PTPRM: variants seen among roughly 807,000 people sequenced by gnomAD.
The protein encoded by PTPRM is protein tyrosine phosphatase receptor type M.
Under a neutral mutation model 186.7 loss-of-function variants are expected in PTPRM, and 47 were observed. The ratio of observed to expected loss-of-function variants is 0.25; its 90% confidence interval spans 0.20 to 0.32. PTPRM has a LOEUF of 0.32. Ranked by LOEUF, PTPRM falls within the 10% of genes least tolerant of loss-of-function variation. The pLI is 1.00. For missense variants in PTPRM, 1,494 were observed against 1,865.0 expected (o/e 0.80, Z 3.66); for synonymous variants, 668 against 674.9 (o/e 0.99, Z 0.16).
chr18:8,085,659 A>G lies in PTPRM; in HGVS notation c.1552-12A>G, dbSNP rs2090394843. 1 of 1,575,748 alleles carries G rather than the reference A, an allele frequency of 6.3e-7. No homozygotes were observed. Among genetic ancestry groups the G allele is most frequent in the African/African-American group, 1.4e-5 (1 of 73,986 alleles). On this transcript the variant is annotated splice_polypyrimidine_tract_variant and intron_variant, in intron 9 of 32. Transcript: ENST00000580170. Reference sequence around the variant, plus strand: ...GCTCCAGATATTTTATCACTTTCTCATTCTTTTGCAGATCACCTACAAAGC... The same window carrying G: ...GCTCCAGATATTTTATCACTTTCTCGTTCTTTTGCAGATCACCTACAAAGC...
intron 27 of PTPRM, 137 bp downstream of exon 27, chr18:8,378,551 A>C: frequency 9.4e-7 from 1 of 1,068,228 alleles, no homozygotes; most frequent in East Asian, 2.6e-5. Context: ...GGGCTGGGTA[A>C]CCCAGAGCTC....
intron 3 of PTPRM, among the ~76,000 whole-genome samples, chr18:7,891,051 A>C (rs1461964985): frequency 1.3e-5 from 2 of 151,340 alleles, no homozygotes; most frequent in African/African-American, 4.9e-5. Flanking sequence ...CCGAGGTGGG[A>C]GGATCACCTG....
At chr18:7,961,674 C>G (rs2147183888) in intron 7 of PTPRM, among the ~76,000 whole-genome samples, 1 of 152,294 alleles carries the variant, frequency 6.6e-6, no homozygotes, top group South Asian at 2.1e-4. Context: ...AATGGCAGAG[C>G]CATCCCATCC....
intron 1 of PTPRM, among the ~76,000 whole-genome samples, chr18:7,754,227 T>C (rs1005439430): frequency 5.9e-5 from 9 of 152,236 alleles, no homozygotes; most frequent in African/African-American, 2.2e-4. Context: ...TTGTCATCAG[T>C]GAATGATTTT....
intron 1 of PTPRM, among the ~76,000 whole-genome samples, chr18:7,590,089 G>A (rs1429487678): frequency 1.3e-5 from 2 of 152,212 alleles, no homozygotes; most frequent in African/African-American, 4.8e-5. Flanking sequence ...CCTAGCAGAA[G>A]CGAGAGCATG....
At chr18:7,848,312 C>G (rs1026316338) in intron 2 of PTPRM, among the ~76,000 whole-genome samples, 4 of 152,078 alleles carry the variant, frequency 2.6e-5, no homozygotes, top group Admixed American at 6.5e-5. Context: ...TTTCTGTAGT[C>G]AAATAAAACA....
chr18:8,305,150 C>G (rs2095207768), intron 20 of PTPRM, among the ~76,000 whole-genome samples: 1 of 152,126 alleles, frequency 6.6e-6, no homozygotes, highest in Admixed American at 6.5e-5. Context: ...CCTGGTAATC[C>G]TTTTGAATGA....
chr18:7,715,557 A>G (rs897206103), intron 1 of PTPRM, among the ~76,000 whole-genome samples: 5 of 152,190 alleles, frequency 3.3e-5, no homozygotes, highest in Non-Finnish European at 7.4e-5. Flanking sequence ...GGAAGAGAAG[A>G]AGTCAAATTG....
Position 8,114,788 on chromosome 18 carries a change from C to A in PTPRM, c.2131-3C>A. The stretch of plus-strand genomic sequence containing the variant: ...GATTTTTCCCTCTCTTTATTTGACA[C>A]AGGAAACCAAAATAGACTGTGTCCA... On this transcript the variant is annotated splice_polypyrimidine_tract_variant and splice_region_variant and intron_variant, in intron 12 of 32. Transcript: ENST00000580170. 6 of 1,606,846 alleles carry A rather than the reference C, an allele frequency of 3.7e-6. No individual in the cohort carries two copies. The highest frequency in any genetic ancestry group is 5.1e-6 in the Non-Finnish European group (6 of 1,176,518).
At chr18:8,263,119 T>C (rs1277942750) in intron 19 of PTPRM, among the ~76,000 whole-genome samples, 1 of 152,160 alleles carries the variant, frequency 6.6e-6, no homozygotes, top group Non-Finnish European at 1.5e-5. Flanking sequence ...GATAGACTTT[T>C]TTTTTTCAAG....
intron 4 of PTPRM, among the ~76,000 whole-genome samples, chr18:7,917,179 A>G (rs1008623803): frequency 3.3e-5 from 5 of 152,218 alleles, no homozygotes; most frequent in Non-Finnish European, 7.3e-5. Context: ...GAATTGTTAT[A>G]AGCTTTTATG....
At chr18:8,110,929 C>T (rs2091726075) in intron 11 of PTPRM, among the ~76,000 whole-genome samples, 1 of 152,072 alleles carries the variant, frequency 6.6e-6, no homozygotes, top group Non-Finnish European at 1.5e-5. Context: ...GTGAAAATTC[C>T]CTTCAGGCCA....
chr18:8,158,242 A>G (rs999011169), intron 14 of PTPRM, among the ~76,000 whole-genome samples: 1 of 152,234 alleles, frequency 6.6e-6, no homozygotes, highest in Non-Finnish European at 1.5e-5. Context: ...CTGCATAATT[A>G]CTACTAAAAT....
chr18:8,170,692 A>G (rs2093387178), intron 14 of PTPRM, among the ~76,000 whole-genome samples: 1 of 152,178 alleles, frequency 6.6e-6, no homozygotes, highest in African/African-American at 2.4e-5. Flanking sequence ...AGATTCCTGA[A>G]GAATCAGTCT....
chr18:7,762,995 C>G (rs982488884), intron 1 of PTPRM, among the ~76,000 whole-genome samples: 2 of 152,072 alleles, frequency 1.3e-5, no homozygotes, highest in Admixed American at 6.5e-5. Flanking sequence ...TTACAAAGGA[C>G]TCATACATTC....
chr18:7,993,247 A>C (rs1207396192), intron 7 of PTPRM, among the ~76,000 whole-genome samples: 5 of 152,084 alleles, frequency 3.3e-5, no homozygotes, highest in African/African-American at 1.2e-4. Flanking sequence ...TCAAGTGAAC[A>C]AGCATTCAAC....
intron 23 of PTPRM, among the ~76,000 whole-genome samples, chr18:8,365,390 A>G (rs1367513767): frequency 1.3e-5 from 2 of 152,204 alleles, no homozygotes; most frequent in African/African-American, 2.4e-5. Context: ...ATGCTCTTCC[A>G]TCCACTAAGT....
intron 7 of PTPRM, among the ~76,000 whole-genome samples, chr18:7,997,051 C>T (rs1022041369): frequency 1.3e-5 from 2 of 152,016 alleles, no homozygotes; most frequent in East Asian, 1.9e-4. Context: ...TCCTGATATT[C>T]GTATGGAACC....
intron 24 of PTPRM, among the ~76,000 whole-genome samples, chr18:8,373,108 C>A (rs1405531942): frequency 1.3e-5 from 2 of 152,122 alleles, no homozygotes; most frequent in Non-Finnish European, 2.9e-5. Context: ...CAAAATGACA[C>A]ATTAGTGATT....
Sources: allele counts gnomAD v4.1 joint callset (sites outside exome capture counted in the v4.1 genomes callset), GRCh38; gene constraint gnomAD v4.1.1; transcripts MANE v1.5; gene names NCBI Gene and HGNC (gene_info 2026-07-23, HGNC 2026-07-21).